The following MUC5AC variants were observed in gnomAD, a reference collection of about 807,000 sequenced individuals.
MUC5AC encodes the protein mucin 5AC, oligomeric mucus/gel-forming.
Under a neutral mutation model 169.7 loss-of-function variants are expected in MUC5AC, and 158 were observed. The ratio of observed to expected loss-of-function variants is 0.93; its 90% CI spans 0.82 to 1.06. The LOEUF is 1.06. Among genes scored for constraint, MUC5AC ranks in the 50% least tolerant of loss-of-function variants. The pLI is 0.00. For missense variants in MUC5AC, 4,359 were observed against 3,089.9 expected (o/e 1.41, Z -9.74); for synonymous variants, 1,975 against 1,237.0 (o/e 1.60, Z -12.52).
In MUC5AC at chr11:1,182,561, G is replaced by C. The variant is rs905930122; in HGVS notation, c.4416G>C (p.Arg1472Ser). 7.0e-4 allele frequency: 280 copies of C among 398,604 alleles called. No homozygotes were observed. Among genetic ancestry groups the C allele is most frequent in the African/African-American group, 5.4e-3 (265 of 48,692 alleles). 24.7% of individuals were successfully genotyped at this position (398,604 alleles called of 1,614,324 possible). ...ASGLCYNYQI[R>S]VQCCTPLPCS... ...GGCTCTGCTACAACTACCAGATCAG[G>C]GTCCAGTGCTGCACGCCCCTACCCT... The change falls in exon 31 of 49, where the codon AGG (arginine) becomes AGC (serine). Residue 1472 changes from arginine to serine, a missense_variant. Transcript: ENST00000621226.
intron 33 of MUC5AC, 57 bp downstream of exon 33, chr11:1,193,716 G>C (rs1861184261): frequency 1.3e-6 from 1 of 749,384 alleles, no homozygotes; most frequent in Non-Finnish European, 2.5e-6. Flanking sequence ...CCCCACCCAG[G>C]TGGAAATGGG....
chr11:1,182,425 T>TGGAGTGCCGAGCTGAGGACGCCCCC lies in MUC5AC; in HGVS notation c.4290_4314dup (p.Leu1439SerfsTer2), dbSNP rs1860835995. On this transcript the variant is annotated frameshift_variant, in exon 31 of 49. Transcript: ENST00000621226. LOFTEE classifies it high-confidence loss of function. ...CGGGTGTGCGAATCACCCAGGTCGG[T>TGGAGTGCCGAGCTGAGGACGCCCCC]GGAGTGCCGAGCTGAGGACGCCCCC... The TGGAGTGCCGAGCTGAGGACGCCCCC allele has an allele frequency of 2.5e-6, 1 of 398,454 alleles. No homozygotes were observed. The highest frequency in any genetic ancestry group is 2.1e-5 in the African/African-American group (1 of 48,604). The allele number at this position is 398,454 out of a possible 1,614,324, so 24.7% of individuals were successfully genotyped here. A position where few individuals can be genotyped will look rare whatever the true frequency, so the allele number is the denominator to read the frequency against.
In MUC5AC at chr11:1,191,598, C is replaced by T; in HGVS notation, c.13453C>T (p.Pro4485Ser). The T allele has an allele frequency of 1.4e-6, 1 of 729,528 alleles. No individual in the cohort carries two copies. The highest frequency in any genetic ancestry group is 2.5e-6 in the Non-Finnish European group (1 of 401,400). 45.2% of individuals were successfully genotyped at this position (729,528 alleles called of 1,614,324 possible). Residue 4485 changes from proline (P) to serine (S), a missense_variant, in exon 31 of 49, where the codon CCC (proline) becomes TCC (serine). Coordinates refer to ENST00000621226, the MANE Select transcript of MUC5AC (RefSeq NM_001304359.2). ...TCCTGGAACTACTCCCAGCCCTGTT[C>T]CCACCACCAGCACAACCTCTGCTCC... The part of the protein sequence containing the change: ...SGPGTTPSPV[P>S]TTSTTSAPTT...
intron 1 of MUC5AC, among the ~76,000 whole-genome samples, chr11:1,158,749 AG>A (rs1229105924): frequency 3.3e-5 from 5 of 151,874 alleles, no homozygotes; most frequent in African/African-American, 7.3e-5. Context: ...CGGGGTTTGG[AG>A]GGGGGTGGGT....
Position 1,191,226 on chromosome 11 carries a change from A to C in MUC5AC, c.13081A>C (p.Thr4361Pro). 1 of 739,552 alleles carries C rather than the reference A, an allele frequency of 1.4e-6. No individual in the cohort carries two copies. The highest frequency in any genetic ancestry group is 1.4e-5 in the South Asian group (1 of 72,728). The allele number at this position is 739,552 out of a possible 1,614,324, so 45.8% of individuals were successfully genotyped here. ...TSTTSAPTTS[T>P]TSASTASTTS... ...CACAACCTCTGCTCCTACAACCAGC[A>C]CAACCTCTGCCTCTACAGCCAGCAC... The change falls in exon 31 of 49, where the codon ACA (threonine) becomes CCA (proline). Residue 4361 changes from threonine (T) to proline (P), a missense_variant. Physicochemically the swap from Thr to Pro is conservative, Grantham distance 38 (BLOSUM62 -1). Coordinates refer to ENST00000621226, the MANE Select transcript of MUC5AC (RefSeq NM_001304359.2).
chr11:1,187,579 C>T lies in MUC5AC; in HGVS notation c.9434C>T (p.Thr3145Ile), dbSNP rs1860984639. ...PPTTSTTSAS[T>I]ASKTSGPGTT... ...ACAACCAGCACAACTTCTGCCTCTA[C>T]AGCCAGCAAAACCTCTGGTCCTGGA... Residue 3145 changes from threonine (T) to isoleucine (I), a missense_variant, in exon 31 of 49, where the codon ACA (threonine) becomes ATA (isoleucine). Transcript: ENST00000621226. 1.3e-6 allele frequency: 1 copy of T among 757,706 alleles called. No individual in the cohort carries two copies. The highest frequency in any genetic ancestry group is 1.4e-5 in the South Asian group (1 of 73,650). 46.9% of individuals were successfully genotyped at this position (757,706 alleles called of 1,614,324 possible). A position where few individuals can be genotyped will look rare whatever the true frequency, so the allele number is the denominator to read the frequency against.
intron 41 of MUC5AC, 26 bp from the exon 42 acceptor site, chr11:1,197,877 T>C: frequency 4.3e-6 from 3 of 700,844 alleles, no homozygotes; most frequent in Middle Eastern, 3.7e-4. Flanking sequence ...GACAGACTCC[T>C]AATTGCCTCA....
At chr11:1,171,344 C>T in intron 15 of MUC5AC, among the ~76,000 whole-genome samples, 1 of 100,364 alleles carries the variant, frequency 1.0e-5, no homozygotes, top group African/African-American at 3.8e-5. Flanking sequence ...CTCACGCATT[C>T]ACTCACTCAC....
chr11:1,197,862 C>T (rs78239294), intron 41 of MUC5AC, 41 bp from the exon 42 acceptor site: 11 of 678,768 alleles, frequency 1.6e-5, no homozygotes, highest in African/African-American at 5.3e-5. Flanking sequence ...CGGGTGGGGG[C>T]GGGGGACAGA....
In MUC5AC at chr11:1,187,258, C is replaced by T. The variant is rs1860975540; in HGVS notation, c.9113C>T (p.Ser3038Phe). The T allele has an allele frequency of 1.4e-6, 1 of 696,238 alleles. No individual in the cohort carries two copies. The highest frequency in any genetic ancestry group is 1.5e-5 in the South Asian group (1 of 67,446). The allele number at this position is 696,238 out of a possible 1,614,324, so 43.1% of individuals were successfully genotyped here. A position where few individuals can be genotyped will look rare whatever the true frequency, so the allele number is the denominator to read the frequency against. The change falls in exon 31 of 49, where the codon TCT becomes TTT. Residue 3038 changes from serine to phenylalanine, a missense_variant. Transcript: ENST00000621226. ...TCTGCCCCTACAACCAGCACAACCT[C>T]TACCCCTACAAGCAGCACAACCTCC... Reference protein sequence around the residue: ...TTSAPTTSTTSTPTSSTTSSP... With the variant: ...TTSAPTTSTTFTPTSSTTSSP...
chr11:1,164,621 C>T (rs1422240223), intron 9 of MUC5AC, 89 bp downstream of exon 9: 2 of 1,469,988 alleles, frequency 1.4e-6, no homozygotes, highest in African/African-American at 1.4e-5. Flanking sequence ...AGAAGGACCC[C>T]AGTCCTAGTG....
In MUC5AC at chr11:1,200,696, G is replaced by T. The variant is rs753752855; in HGVS notation, c.16959G>T (p.Met5653Ile). The T allele has an allele frequency of 1.4e-6, 1 of 735,416 alleles. No individual in the cohort carries two copies. The highest frequency in any genetic ancestry group is 1.8e-5 in the Admixed American group (1 of 56,810). The allele number at this position is 735,416 out of a possible 1,614,324, so 45.6% of individuals were successfully genotyped here. A position where few individuals can be genotyped will look rare whatever the true frequency, so the allele number is the denominator to read the frequency against. ...SWERGVPVSP[M>I]H ...AGAGAGGCGTCCCAGTGTCCCCCAT[G>T]CACTGACCAGCACTGCCGCCCTCCT... Residue 5653 changes from methionine (M) to isoleucine (I), a missense_variant, in exon 49 of 49, where the codon ATG becomes ATT. Transcript: ENST00000621226.
rs1291377905 is a variant in MUC5AC, at chr11:1,169,609, ACTCACTCACTCAC to A, written c.1870+598_1870+610del. Among the ~76,000 whole-genome samples, 162 of 126,436 alleles carry A rather than the reference ACTCACTCACTCAC, an allele frequency of 1.3e-3. 3 individuals are homozygous for A. Among genetic ancestry groups the A allele is most frequent in the African/African-American group, 4.9e-3 (161 of 32,662 alleles). The allele number at this position is 126,436 out of a possible 152,430, so 82.9% of individuals were successfully genotyped here. The stretch of plus-strand genomic sequence containing the variant: ...ACTCACTCACCTCACTCACTCACCC[ACTCACTCACTCAC>A]CTCACTCACTCACCCATTCACCCAT... On this transcript the variant is annotated intron_variant, in intron 15 of 48. Coordinates refer to ENST00000621226, the MANE Select transcript of MUC5AC (RefSeq NM_001304359.2).
In MUC5AC at chr11:1,172,300, A is replaced by C. The variant is rs1860569163; in HGVS notation, c.1871-129A>C. 3 of 397,840 alleles carry C rather than the reference A, an allele frequency of 7.5e-6. No homozygotes were observed. In the East Asian group the frequency reaches 1.1e-4, roughly 14 times the overall value. The allele number at this position is 397,840 out of a possible 1,614,324, so 24.6% of individuals were successfully genotyped here. A position where few individuals can be genotyped will look rare whatever the true frequency, so the allele number is the denominator to read the frequency against. ...ACACCACCCAGGCTGAGTGTGTAGCAGGATGAAGGGCCCAACATCAGACTG... is the reference window on the plus strand; with the variant it reads ...ACACCACCCAGGCTGAGTGTGTAGCCGGATGAAGGGCCCAACATCAGACTG... On this transcript the variant is annotated intron_variant, in intron 15 of 48. Coordinates refer to ENST00000621226, the MANE Select transcript of MUC5AC (RefSeq NM_001304359.2).
At chr11:1,193,003 C>G (rs1169953456) in intron 32 of MUC5AC, 21 bp downstream of exon 32, 11 of 671,516 alleles carry the variant, frequency 1.6e-5, no homozygotes, top group Non-Finnish European at 2.7e-5. Flanking sequence ...ACTTCTCACC[C>G]TTCTGAAGGC....
At position 1,192,314 on chromosome 11, in the gene MUC5AC, C is replaced by G; in HGVS notation, c.14169C>G (p.Leu4723=). 1 of 765,126 alleles carries G rather than the reference C, an allele frequency of 1.3e-6. No homozygotes were observed. Among genetic ancestry groups the G allele is most frequent in the Non-Finnish European group, 2.4e-6 (1 of 417,900 alleles). 47.4% of individuals were successfully genotyped at this position (765,126 alleles called of 1,614,324 possible). Residue 4723 remains leucine, a synonymous_variant, in exon 31 of 49, where the codon CTC becomes CTG. Transcript: ENST00000621226. ...KMCLNYEVRV[L]CCETPRGCPV... ...GCCTCAACTACGAGGTGCGCGTGCT[C>G]TGCTGCGAGACCCCCAGAGGCTGCC...
In MUC5AC at chr11:1,164,038, G is replaced by A. The variant is rs757080411; in HGVS notation, c.789+47G>A. 5 of 1,609,606 alleles carry A rather than the reference G, an allele frequency of 3.1e-6. No individual in the cohort carries two copies. In the South Asian group the frequency reaches 3.3e-5, roughly 11 times the overall value. On this transcript the variant is annotated intron_variant, in intron 7 of 48. Coordinates refer to ENST00000621226, the MANE Select transcript of MUC5AC (RefSeq NM_001304359.2). Reference sequence around the variant, plus strand: ...GGGCCCAGCAGGTTGAGCAGGAGGGGTTGTGAGCCTGGGAACCGGTCCAGA... The same window carrying A: ...GGGCCCAGCAGGTTGAGCAGGAGGGATTGTGAGCCTGGGAACCGGTCCAGA...
chr11:1,186,709 C>A lies in MUC5AC; in HGVS notation c.8564C>A (p.Ala2855Asp). The A allele has an allele frequency of 1.4e-6, 1 of 732,710 alleles. No homozygotes were observed. Among genetic ancestry groups the A allele is most frequent in the Non-Finnish European group, 2.5e-6 (1 of 401,732 alleles). 45.4% of individuals were successfully genotyped at this position (732,710 alleles called of 1,614,324 possible). Residue 2855 changes from alanine (A) to aspartate (D), a missense_variant, in exon 31 of 49, where the codon GCC becomes GAC. Coordinates refer to ENST00000621226, the MANE Select transcript of MUC5AC (RefSeq NM_001304359.2). Reference protein sequence around the residue: ...TSAPTTSTTSAPTTRTTSVPT... With the variant: ...TSAPTTSTTSDPTTRTTSVPT... ...GCCCCTACAACCAGCACAACCTCTG[C>A]CCCTACAACCAGAACAACCTCTGTC...
intron 31 of MUC5AC, 106 bp from the exon 32 acceptor site, chr11:1,192,677 T>C (rs900437556): frequency 1.5e-6 from 1 of 686,868 alleles, no homozygotes; most frequent in Non-Finnish European, 2.6e-6. Flanking sequence ...CTGAAATTTT[T>C]TCCCATTACA....
Sources: gnomAD v4.1 joint callset for allele counts (sites outside exome capture counted in the v4.1 genomes callset) on GRCh38, gnomAD v4.1.1 for gene constraint, MANE v1.5 for transcripts, NCBI Gene and HGNC (gene_info 2026-07-23, HGNC 2026-07-21) for gene names.